SFXN1: variants seen among roughly 807,000 people sequenced by gnomAD.
SFXN1 encodes sideroflexin-1.
Under a neutral mutation model 39.5 loss-of-function variants are expected in SFXN1, and 32 were observed. The ratio of observed to expected loss-of-function variants is 0.81; its 90% CI spans 0.61 to 1.09. The LOEUF (loss-of-function observed/expected upper bound fraction) is 1.09. Ranked by LOEUF, SFXN1 falls within the 50% of genes least tolerant of loss-of-function variation. The probability of loss-of-function intolerance (pLI) is 0.00; values close to 1 mark genes in which losing one functional copy is unlikely to be tolerated. For synonymous variants in SFXN1, 136 were observed against 146.5 expected, an observed-to-expected ratio of 0.93 and a Z score of 0.52; for missense variants, 402 against 407.1, an observed-to-expected ratio of 0.99 and a Z score of 0.11.
intron 8 of SFXN1, among the ~76,000 whole-genome samples, chr5:175,521,340 G>GA (rs1270815890): frequency 6.6e-6 from 1 of 151,780 alleles, no homozygotes; most frequent in Admixed American, 6.6e-5. Context: ...CAAGAAAGAC[G>GA]AGGTGTAAAG....
At chr5:175,507,629 T>C (rs1760356224) in intron 2 of SFXN1, among the ~76,000 whole-genome samples, 1 of 152,218 alleles carries the variant, frequency 6.6e-6, no homozygotes, top group Non-Finnish European at 1.5e-5. Context: ...ACGTGCTTCT[T>C]TGATAAAGAG....
chr5:175,511,316 A>T, intron 4 of SFXN1, 135 bp from the exon 5 acceptor site: 1 of 675,570 alleles, frequency 1.5e-6, no homozygotes, highest in South Asian at 1.9e-5. Flanking sequence ...GTGGAGTGAT[A>T]GTGAATGTTG....
In SFXN1 at chr5:175,511,864, C is replaced by CTCTCTCT. The variant is rs33977399; in HGVS notation, c.511-247_511-246insTCTCTCT. Among the ~76,000 whole-genome samples the CTCTCTCT allele has an allele frequency of 3.4e-3, 438 of 130,190 alleles. 2 individuals carry two copies. Among genetic ancestry groups the CTCTCTCT allele is most frequent in the East Asian group, 0.02 (97 of 4,826 alleles). The allele number at this position is 130,190 out of a possible 152,430, so 85.4% of individuals were successfully genotyped here. ...GCATCTCTCTCTCTCTCTCTCTCTC[C>CTCTCTCT]CCACTCCAAAGCCCATACTCCTGCA... is the stretch of plus-strand genomic sequence containing the variant. On this transcript the variant is annotated intron_variant, in intron 5 of 10. Transcript: ENST00000321442.
chr5:175,522,748 AGATAT>A (rs2113363246), intron 10 of SFXN1: 1 of 216,102 alleles, frequency 4.6e-6, no homozygotes, highest in African/African-American at 2.3e-5. Flanking sequence ...TCTGTAATAC[AGATAT>A]GATAGGATGC....
In SFXN1 at chr5:175,528,752, A is replaced by T. The variant is rs557935475; in HGVS notation, c.*2018A>T. 6.6e-6 allele frequency: 1 copy of T among 152,298 alleles called. No homozygotes were observed. The highest frequency in any genetic ancestry group is 2.1e-4 in the South Asian group (1 of 4,822). The allele number at this position is 152,298 out of a possible 1,614,324, so 9.4% of individuals were successfully genotyped here. On this transcript the variant is annotated 3_prime_UTR_variant, in exon 11 of 11. Coordinates refer to ENST00000321442, the MANE Select transcript of SFXN1 (RefSeq NM_022754.7). The stretch of plus-strand genomic sequence containing the variant: ...CCATTGGAAGCAAAACGGTTTTCCC[A>T]TGACATTCTGGCCTTGGACAGATTC...
chr5:175,522,405 CCT>C lies in SFXN1; in HGVS notation c.856_857del (p.Leu286ValfsTer19), dbSNP rs765583190. On this transcript the variant is annotated frameshift_variant, in exon 10 of 11. Coordinates refer to ENST00000321442, the MANE Select transcript of SFXN1 (RefSeq NM_022754.7). LOFTEE classifies it high-confidence loss of function. ...TGTTTGCTACACCCCTGTGTTGTGC[CCT>C]GTTTCCTCAGAAAAGGTATGTATTT... The part of the protein sequence containing the change: ...LVFATPLCCA[L>X]FPQKSSMSVT... 3 of 1,610,954 alleles carry C rather than the reference CCT, an allele frequency of 1.9e-6. No individual in the cohort carries two copies. Among genetic ancestry groups the C allele is most frequent in the Non-Finnish European group, 2.5e-6 (3 of 1,179,328 alleles).
At chr5:175,525,552 G>A (rs944935605) in intron 10 of SFXN1, among the ~76,000 whole-genome samples, 1 of 151,906 alleles carries the variant, frequency 6.6e-6, no homozygotes, top group Non-Finnish European at 1.5e-5. Context: ...TTAAATATAA[G>A]CTTATATCCT....
rs1413197616 is a variant in SFXN1 at position 175,529,664 on chromosome 5, C to T, written c.*2930C>T. ...AGCTTTTATTTCAGTATTAGCACAG[C>T]GTCTTGCCAGTGTTGGAGGCCATGT... On this transcript the variant is annotated 3_prime_UTR_variant, in exon 11 of 11. Transcript: ENST00000321442. 3 of 152,144 alleles carry T rather than the reference C, an allele frequency of 2.0e-5. No homozygotes were observed. The highest frequency in any genetic ancestry group is 4.4e-5 in the Non-Finnish European group (3 of 68,028). 9.4% of individuals were successfully genotyped at this position (152,144 alleles called of 1,614,324 possible).
intron 2 of SFXN1, among the ~76,000 whole-genome samples, chr5:175,506,449 G>T (rs950571457): frequency 1.3e-5 from 2 of 152,168 alleles, no homozygotes; most frequent in African/African-American, 4.8e-5. Context: ...TTTTAATGTT[G>T]TACATAGCTT....
chr5:175,526,841 T>G lies in SFXN1; in HGVS notation c.*107T>G. ...TGGGTTCTCCCAGTTACGGAAACCT[T>G]TTAAAGATCCACATTAGCCTTTTAG... is the stretch of plus-strand genomic sequence containing the variant. On this transcript the variant is annotated 3_prime_UTR_variant, in exon 11 of 11. Transcript: ENST00000321442. 1.1e-6 allele frequency: 1 copy of G among 907,944 alleles called. No homozygotes were observed. The highest frequency in any genetic ancestry group is 1.8e-6 in the Non-Finnish European group (1 of 562,344). The allele number at this position is 907,944 out of a possible 1,614,324, so 56.2% of individuals were successfully genotyped here.
chr5:175,491,974 A>T (rs908153620), intron 1 of SFXN1, 121 bp from the exon 2 acceptor site: 24 of 600,814 alleles, frequency 4.0e-5, no homozygotes, highest in African/African-American at 5.8e-5. Flanking sequence ...TAGCAAAATT[A>T]TCTTTATAAA....
At chr5:175,518,030 C>A (rs1294355601) in intron 8 of SFXN1, among the ~76,000 whole-genome samples, 1 of 152,124 alleles carries the variant, frequency 6.6e-6, no homozygotes, top group Non-Finnish European at 1.5e-5. Flanking sequence ...ACTCATCCAT[C>A]CCCCTACGCC....
intron 2 of SFXN1, among the ~76,000 whole-genome samples, chr5:175,501,998 A>G (rs1392151565): frequency 6.6e-6 from 1 of 152,142 alleles, no homozygotes; most frequent in Non-Finnish European, 1.5e-5. Context: ...TTTGGTGGCT[A>G]GGGGCTTGGG....
intron 2 of SFXN1, among the ~76,000 whole-genome samples, 192 bp from the exon 3 acceptor site, chr5:175,508,840 T>C (rs1041205916): frequency 1.3e-5 from 2 of 151,228 alleles, no homozygotes; most frequent in African/African-American, 4.9e-5. Flanking sequence ...TTTCACCATC[T>C]TGGCCAGGAT....
chr5:175,487,820 C>A (rs997945670), intron 1 of SFXN1, among the ~76,000 whole-genome samples: 3 of 152,160 alleles, frequency 2.0e-5, no homozygotes, highest in Non-Finnish European at 2.9e-5. Flanking sequence ...CTGTCTTCTC[C>A]CTCGGCCCTC....
chr5:175,504,057 G>A (rs543705072), intron 2 of SFXN1, among the ~76,000 whole-genome samples: 15 of 151,246 alleles, frequency 9.9e-5, no homozygotes, highest in Middle Eastern at 3.4e-3. Flanking sequence ...GAAAAGAGGG[G>A]GGTGGGGGAA....
In SFXN1 at chr5:175,528,053, T is replaced by A. The variant is rs1242949441; in HGVS notation, c.*1319T>A. 2 of 151,872 alleles carry A rather than the reference T, an allele frequency of 1.3e-5. No homozygotes were observed. The highest frequency in any genetic ancestry group is 4.8e-5 in the African/African-American group (2 of 41,248). 9.4% of individuals were successfully genotyped at this position (151,872 alleles called of 1,614,324 possible). A position where few individuals can be genotyped will look rare whatever the true frequency, so the allele number is the denominator to read the frequency against. On this transcript the variant is annotated 3_prime_UTR_variant, in exon 11 of 11. Coordinates refer to ENST00000321442, the MANE Select transcript of SFXN1 (RefSeq NM_022754.7). The stretch of plus-strand genomic sequence containing the variant: ...TCCTGCCTCAGCCTCTCTGAGAAGC[T>A]GGGACTACAGGCGCCCGCCACCACG...
intron 6 of SFXN1, among the ~76,000 whole-genome samples, chr5:175,512,828 A>G (rs1225111157): frequency 6.6e-6 from 1 of 152,160 alleles, no homozygotes; most frequent in Non-Finnish European, 1.5e-5. Context: ...TGTGTATTAT[A>G]TCTGTTTCTC....
intron 1 of SFXN1, among the ~76,000 whole-genome samples, chr5:175,486,055 G>A (rs914230941): frequency 1.4e-4 from 22 of 151,954 alleles, no homozygotes; most frequent in African/African-American, 4.8e-4. Context: ...CTTTTTCCTC[G>A]CCTACAAAGG....
Sources: gnomAD v4.1 joint callset for allele counts (sites outside exome capture counted in the v4.1 genomes callset) on GRCh38, gnomAD v4.1.1 for gene constraint, MANE v1.5 for transcripts, NCBI Gene and HGNC (gene_info 2026-07-23, HGNC 2026-07-21) for gene names.